Variants in ASPM observed in about 807,000 individuals in gnomAD.
ASPM encodes the protein abnormal spindle-like microcephaly-associated protein.
ASPM carries 256 observed loss-of-function variants against 366.4 expected under a neutral mutation model. The observed-to-expected ratio is 0.70, with a 90% CI of 0.63 to 0.77. The LOEUF is 0.77. Ranked by LOEUF, ASPM falls within the 30% of genes least tolerant of loss-of-function variation. The pLI is 0.00. For missense variants in ASPM, 4,146 were observed against 4,090.4 expected, an observed-to-expected ratio of 1.01 and a Z score of -0.37; for synonymous variants, 1,414 against 1,342.9, an observed-to-expected ratio of 1.05 and a Z score of -1.16.
At chr1:197,095,958 C>T in intron 19 of ASPM, 40 bp downstream of exon 19, 2 of 1,532,468 alleles carry the variant, frequency 1.3e-6, no homozygotes, top group Non-Finnish European at 1.8e-6. Context: ...CTATCACACA[C>T]AAATACTTTT....
rs755585801 is a variant in ASPM at position 197,117,802 on chromosome 1, G to A, written c.4052C>T (p.Ala1351Val). The change falls in exon 17 of 28, where the codon GCA (alanine) becomes GTA (valine). Residue 1351 changes from alanine (A) to valine (V), a missense_variant. Coordinates refer to ENST00000367409, the MANE Select transcript of ASPM (RefSeq NM_018136.5). ...AGGATACTATACCTGAATAAGTGAT[G>A]CTGCTTTATTTTGAACTTTTTCCAG... is the stretch of plus-strand genomic sequence containing the variant. ...EKLEKVQNKA[A>V]SLIQGYWRRY... is the part of the protein sequence containing the mutation. 4 of 1,612,084 alleles carry A rather than the reference G, an allele frequency of 2.5e-6. No homozygotes were observed. In the East Asian group the frequency reaches 6.7e-5, roughly 27 times the overall value.
Position 197,124,935 on chromosome 1 carries a change from C to A in ASPM, c.3103G>T (p.Asp1035Tyr), listed in dbSNP as rs1256008386. 1 of 1,612,090 alleles carries A rather than the reference C, an allele frequency of 6.2e-7. No individual in the cohort carries two copies. Among genetic ancestry groups the A allele is most frequent in the Non-Finnish European group, 8.5e-7 (1 of 1,178,262 alleles). ...DEHGNTILSK[D>Y]IVDRHREKTL... ...TTTTCTCTGTGCCTATCCACAATAT[C>A]CTTAGATAGAATTGTATTTCCTATA... Residue 1035 changes from aspartate (D) to tyrosine (Y), a missense_variant, in exon 12 of 28, where the codon GAT becomes TAT. Transcript: ENST00000367409.
rs957279165 is a variant in ASPM, at chr1:197,094,321, T to C, written c.8988-141A>G. On this transcript the variant is annotated intron_variant, in intron 19 of 27. Transcript: ENST00000367409. ...CAGAATTTTAAAAAGTGGGCAAGTA[T>C]AATTCATAGTTAAGTTCTAACAATC... 8.2e-6 allele frequency: 5 copies of C among 611,260 alleles called. No homozygotes were observed. The African/African-American group carries it at 9.3e-5, about 11-fold the overall frequency. The allele number at this position is 611,260 out of a possible 1,614,324, so 37.9% of individuals were successfully genotyped here.
At chr1:197,092,376 G>A (rs1401906279) in intron 21 of ASPM, among the ~76,000 whole-genome samples, 3 of 151,654 alleles carry the variant, frequency 2.0e-5, no homozygotes, top group African/African-American at 7.3e-5. Context: ...AAATGTTACA[G>A]AATTCCAAGC....
chr1:197,126,439 C>CAA lies in ASPM; in HGVS notation c.2937-1250_2937-1249dup, dbSNP rs374373476. ...TGGGTGACAGAGTGAGACTCTGTCT[C>CAA]AAAAAAAAAAAAAAAAAAAAAAAAA... On this transcript the variant is annotated intron_variant, in intron 10 of 27. Transcript: ENST00000367409. Among the ~76,000 whole-genome samples, 19 of 19,302 alleles carry CAA rather than the reference C, an allele frequency of 9.8e-4. 2 individuals are homozygous for CAA. Among genetic ancestry groups the CAA allele is most frequent in the African/African-American group, 3.0e-3 (11 of 3,724 alleles). The allele number at this position is 19,302 out of a possible 152,430, so 12.7% of individuals were successfully genotyped here.
In ASPM at chr1:197,086,969, C is replaced by T. The variant is rs370380433; in HGVS notation, c.10165G>A (p.Val3389Ile). Residue 3389 changes from valine (V) to isoleucine (I), a missense_variant, in exon 27 of 28, where the codon GTA (valine) becomes ATA (isoleucine). Physicochemically the swap from Val to Ile is conservative, Grantham distance 29. Coordinates refer to ENST00000367409, the MANE Select transcript of ASPM (RefSeq NM_018136.5). The part of the protein sequence containing the change: ...LLKTTNRASD[V>I]RSRSKVVDRI... ...TCAACAACTTTGGACCTACTTCGTACATCCTACAAAATAAAATGCACAGTT... is the reference window on the plus strand; with the variant it reads ...TCAACAACTTTGGACCTACTTCGTATATCCTACAAAATAAAATGCACAGTT... 36 of 1,606,744 alleles carry T rather than the reference C, an allele frequency of 2.2e-5. No individual in the cohort carries two copies. In the African/African-American group the frequency reaches 3.7e-4, roughly 17 times the overall value.
At position 197,102,790 on chromosome 1, in the gene ASPM, T is replaced by C; in HGVS notation, c.6461A>G (p.Tyr2154Cys). The C allele has an allele frequency of 6.2e-7, 1 of 1,612,380 alleles. No individual in the cohort carries two copies. The highest frequency in any genetic ancestry group is 1.7e-4 in the Middle Eastern group (1 of 6,050). ...IVIQVRCRAY[Y>C]QGKMQREKYL... The stretch of plus-strand genomic sequence containing the variant: ...CTTTTCACGCTGCATTTTACCTTGA[T>C]AATATGCTCTACATCTTACTTGAAT... Residue 2154 changes from tyrosine (Y) to cysteine (C), a missense_variant, in exon 18 of 28, where the codon TAT becomes TGT. Transcript: ENST00000367409.
intron 6 of ASPM, 53 bp from the exon 7 acceptor site, chr1:197,132,405 A>C: frequency 1.3e-6 from 2 of 1,499,458 alleles, no homozygotes; most frequent in Non-Finnish European, 1.9e-6. Flanking sequence ...AAATAGAGAC[A>C]AGAAATAAAA....
rs752132953 is a variant in ASPM at position 197,101,269 on chromosome 1, A to C, written c.7982T>G (p.Leu2661Arg). 1.3e-5 allele frequency: 21 copies of C among 1,612,102 alleles called. No individual in the cohort carries two copies. Among genetic ancestry groups the C allele is most frequent in the Non-Finnish European group, 1.7e-5 (20 of 1,178,940 alleles). Reference sequence around the variant, plus strand: ...AACTGCTTGGGTACGCACTGCAGTTAGTTTTCTGTATCTTCTTTGAATAGA... The same window carrying C: ...AACTGCTTGGGTACGCACTGCAGTTCGTTTTCTGTATCTTCTTTGAATAGA... ...VVSIQRRYRK[L>R]TAVRTQAVIC... is the part of the protein sequence containing the mutation. Residue 2661 changes from leucine (L) to arginine (R), a missense_variant, in exon 18 of 28, where the codon CTA (leucine) becomes CGA (arginine). Around this residue, in one of 3 missense-constraint regions of ASPM, gnomAD observed 3,624 missense variants for 3,591.7 expected, o/e 1.01. Coordinates refer to ENST00000367409, the MANE Select transcript of ASPM (RefSeq NM_018136.5).
Position 197,118,585 on chromosome 1 carries a change from C to T in ASPM, c.3871-602G>A, listed in dbSNP as rs1455672486. On this transcript the variant is annotated intron_variant, in intron 16 of 27. Coordinates refer to ENST00000367409, the MANE Select transcript of ASPM (RefSeq NM_018136.5). Reference sequence around the variant, plus strand: ...AGTTATGTTAGAAGGCAATACCCCCCATATCTCTACTTGTTACTTCTGATA... The same window carrying T: ...AGTTATGTTAGAAGGCAATACCCCCTATATCTCTACTTGTTACTTCTGATA... Among the ~76,000 whole-genome samples the T allele has an allele frequency of 3.3e-5, 5 of 152,204 alleles. No individual in the cohort carries two copies. The South Asian group carries it at 1.0e-3, about 32-fold the overall frequency.
intron 26 of ASPM, 131 bp from the exon 27 acceptor site, chr1:197,087,103 C>G: frequency 1.2e-6 from 1 of 814,374 alleles, no homozygotes; most frequent in South Asian, 1.8e-5. Flanking sequence ...GATGGTCTCT[C>G]TTGCTCTGTC....
intron 18 of ASPM, among the ~76,000 whole-genome samples, 192 bp downstream of exon 18, chr1:197,100,239 C>T (rs563368376): frequency 1.2e-4 from 18 of 151,782 alleles, no homozygotes; most frequent in African/African-American, 2.2e-4. Context: ...GAACAATCCC[C>T]GTTCTGTGCT....
At position 197,143,102 on chromosome 1, in the gene ASPM, A is replaced by T; in HGVS notation, c.1150T>A (p.Ser384Thr). The change falls in exon 3 of 28, where the codon TCA becomes ACA. Residue 384 changes from serine (S) to threonine (T), a missense_variant. Physicochemically the swap from Ser to Thr is moderately conservative, Grantham distance 58. Coordinates refer to ENST00000367409, the MANE Select transcript of ASPM (RefSeq NM_018136.5). ...GATAAAATAGGATTAACTGACTCTGATTCTAGATCCTGATTTAGTCCATAA... is the reference window on the plus strand; with the variant it reads ...GATAAAATAGGATTAACTGACTCTGTTTCTAGATCCTGATTTAGTCCATAA... The part of the protein sequence containing the change: ...DNYGLNQDLE[S>T]ESVNPILSPN... 6.2e-7 allele frequency: 1 copy of T among 1,613,136 alleles called. No individual in the cohort carries two copies. Among genetic ancestry groups the T allele is most frequent in the Non-Finnish European group, 8.5e-7 (1 of 1,179,224 alleles).
intron 5 of ASPM, among the ~76,000 whole-genome samples, chr1:197,134,446 G>T (rs114307259): frequency 2.7e-3 from 414 of 151,838 alleles, no homozygotes; most frequent in African/African-American, 9.2e-3. Context: ...CTATACACGC[G>T]CTTCTCTGAC....
chr1:197,102,011 T>A lies in ASPM; in HGVS notation c.7240A>T (p.Ile2414Phe). The A allele has an allele frequency of 6.2e-7, 1 of 1,612,976 alleles. No homozygotes were observed. The highest frequency in any genetic ancestry group is 1.1e-5 in the South Asian group (1 of 91,072). The change falls in exon 18 of 28, where the codon ATT (isoleucine) becomes TTT (phenylalanine). Residue 2414 changes from isoleucine to phenylalanine, a missense_variant. Physicochemically the swap from Ile to Phe is conservative, Grantham distance 21. This residue lies in a region of ASPM where 3,624 missense variants were observed against 3,591.7 expected (regional missense o/e 1.01). Transcript: ENST00000367409. ...AGTAATGATCTAAACCTACTCTGAATAAGGGTTGCAGAGGAATGCATACTC... is the reference window on the plus strand; with the variant it reads ...AGTAATGATCTAAACCTACTCTGAAAAAGGGTTGCAGAGGAATGCATACTC... ...LKSMHSSATL[I>F]QSRFRSLLVR...
chr1:197,098,432 A>T (rs1657049160), intron 18 of ASPM, among the ~76,000 whole-genome samples: 1 of 151,618 alleles, frequency 6.6e-6, no homozygotes, highest in South Asian at 2.1e-4. Flanking sequence ...GCTAAAAATT[A>T]TATGTGTAAA....
intron 1 of ASPM, 99 bp from the exon 2 acceptor site, chr1:197,144,199 T>C: frequency 2.4e-6 from 2 of 844,508 alleles, no homozygotes; most frequent in Non-Finnish European, 1.9e-6. Flanking sequence ...TTAATAATTG[T>C]TAACCAACAC....
intron 4 of ASPM, chr1:197,139,420 C>A: frequency 3.6e-6 from 2 of 558,022 alleles, no homozygotes; most frequent in Non-Finnish European, 6.4e-6. Context: ...CACGGTGAAA[C>A]CCCGTCTCCA....
intron 17 of ASPM, among the ~76,000 whole-genome samples, chr1:197,105,497 A>G (rs941686131): frequency 6.6e-6 from 1 of 151,968 alleles, no homozygotes; most frequent in Non-Finnish European, 1.5e-5. Context: ...AACTATAGTA[A>G]TATTCTTTGC....
Sources: gnomAD v4.1 joint callset for allele counts (sites outside exome capture counted in the v4.1 genomes callset) on GRCh38, gnomAD v4.1.1 for gene constraint, gnomAD v4.1.1 regional missense constraint, MANE v1.5 for transcripts, NCBI Gene and HGNC (gene_info 2026-07-23, HGNC 2026-07-21) for gene names.